Variants in ABCC5 observed in about 807,000 individuals in gnomAD.
ABCC5 encodes the protein ATP binding cassette subfamily C member 5.
ABCC5 carries 61 observed loss-of-function variants against 160.9 expected under a neutral mutation model. The ratio of observed to expected loss-of-function variants is 0.38; its 90% CI spans 0.31 to 0.47. The LOEUF is 0.47. Ranked by LOEUF, ABCC5 falls within the 20% of genes least tolerant of loss-of-function variation. The pLI, the probability that ABCC5 is intolerant of heterozygous loss-of-function variation, is 0.99. For missense variants in ABCC5, 1,308 were observed against 1,813.3 expected, an observed-to-expected ratio of 0.72 and a Z score of 5.06; for synonymous variants, 666 against 700.6, an observed-to-expected ratio of 0.95 and a Z score of 0.78.
At position 183,978,587 on chromosome 3, in the gene ABCC5, A is replaced by G; in HGVS notation, c.1212T>C (p.Gly404=). ...CAATCACCACCACAATGGGAGCCAC[A>G]CCCACAGTGATGCTCTGGAAGTACC... ...KAGYFQSITV[G]VAPIVVVIAS... Residue 404 remains glycine, a synonymous_variant, in exon 9 of 30, where the codon GGT becomes GGC. Transcript: ENST00000334444. The G allele has an allele frequency of 6.2e-7, 1 of 1,613,978 alleles. No homozygotes were observed. Among genetic ancestry groups the G allele is most frequent in the South Asian group, 1.1e-5 (1 of 91,062 alleles).
chr3:183,936,190 G>A (rs930821464), intron 26 of ABCC5, among the ~76,000 whole-genome samples: 6 of 152,082 alleles, frequency 3.9e-5, no homozygotes, highest in African/African-American at 7.2e-5. Context: ...CACACACCGA[G>A]GAAAGGCCAC....
In ABCC5 at chr3:183,923,164, G is replaced by GT. The variant is rs1268689715; in HGVS notation, c.4213-1764dup. ...TTTATGCTTTTCTGGTGTGTGTGTGGTTTTTTTTTTTTAGGCTTTCCTGAA... is the reference window on the plus strand; with the variant it reads ...TTTATGCTTTTCTGGTGTGTGTGTGGTTTTTTTTTTTTTAGGCTTTCCTGAA... On this transcript the variant is annotated intron_variant, in intron 29 of 29. Coordinates refer to ENST00000334444, the MANE Select transcript of ABCC5 (RefSeq NM_005688.4). Among the ~76,000 whole-genome samples the GT allele has an allele frequency of 6.2e-3, 888 of 143,232 alleles. 8 individuals are homozygous for GT. Among genetic ancestry groups the GT allele is most frequent in the African/African-American group, 0.017 (688 of 39,380 alleles). 94.0% of individuals were successfully genotyped at this position (143,232 alleles called of 152,430 possible).
chr3:183,927,368 G>A lies in ABCC5; in HGVS notation c.4009C>T (p.Leu1337Phe). The change falls in exon 28 of 30, where the codon CTC becomes TTC. Residue 1337 changes from leucine (L) to phenylalanine (F), a missense_variant. Leu to Phe is a conservative substitution (Grantham distance 22). Coordinates refer to ENST00000334444, the MANE Select transcript of ABCC5 (RefSeq NM_005688.4). ...AGCAGGGCTCTAGCTATGCACAAGA[G>A]CTGCCGTTCCCCCACTGAGAAGTTA... ...GDNFSVGERQLLCIARALLRH... is the reference protein window; with the variant it reads ...GDNFSVGERQFLCIARALLRH... 6.2e-7 allele frequency: 1 copy of A among 1,613,506 alleles called. No individual in the cohort carries two copies. The highest frequency in any genetic ancestry group is 8.5e-7 in the Non-Finnish European group (1 of 1,179,804).
At chr3:184,015,949 A>G (rs1378710777) in intron 1 of ABCC5, among the ~76,000 whole-genome samples, 1 of 152,210 alleles carries the variant, frequency 6.6e-6, no homozygotes, top group African/African-American at 2.4e-5. Flanking sequence ...AAAGATTAGT[A>G]CTACCTTTTT....
intron 1 of ABCC5, among the ~76,000 whole-genome samples, chr3:184,015,977 G>A (rs1021550384): frequency 3.9e-5 from 6 of 152,186 alleles, no homozygotes; most frequent in African/African-American, 7.2e-5. Flanking sequence ...GGGGGTTGGG[G>A]CGGTGAGCAG....
intron 2 of ABCC5, among the ~76,000 whole-genome samples, chr3:184,005,233 C>T (rs4148568): frequency 0.12 from 18,466 of 152,084 alleles, 1,173 homozygotes; most frequent in East Asian, 0.23. Context: ...CTGGGCAAGA[C>T]GGCCTTTGAG....
At chr3:184,014,491 G>T in intron 1 of ABCC5, 44 bp from the exon 2 acceptor site, 10 of 1,169,936 alleles carry the variant, frequency 8.5e-6, no homozygotes, top group East Asian at 3.3e-5. Flanking sequence ...TTCCTAAACA[G>T]TACTTAACCA....
At position 183,971,930 on chromosome 3, in the gene ABCC5, T is replaced by C; in HGVS notation, c.1405-11A>G. 6.2e-7 allele frequency: 1 copy of C among 1,613,270 alleles called. No individual in the cohort carries two copies. Among genetic ancestry groups the C allele is most frequent in the Non-Finnish European group, 8.5e-7 (1 of 1,179,978 alleles). On this transcript the variant is annotated splice_polypyrimidine_tract_variant and intron_variant, in intron 10 of 29. Transcript: ENST00000334444. Reference sequence around the variant, plus strand: ...CATTAGAAACAAACTCTGATAGGAGTTGTGAGAGAGGTGCAAAGATGAGAC... The same window carrying C: ...CATTAGAAACAAACTCTGATAGGAGCTGTGAGAGAGGTGCAAAGATGAGAC...
intron 2 of ABCC5, among the ~76,000 whole-genome samples, chr3:184,001,775 ATGCT>A (rs1358765295): frequency 6.6e-6 from 1 of 152,184 alleles, no homozygotes; most frequent in Non-Finnish European, 1.5e-5. Flanking sequence ...TTTTGTTATG[ATGCT>A]TTCAATCCCT....
At chr3:183,957,869 C>G (rs1716317285) in intron 17 of ABCC5, among the ~76,000 whole-genome samples, 1 of 119,520 alleles carries the variant, frequency 8.4e-6, no homozygotes, top group Non-Finnish European at 1.9e-5. Flanking sequence ...ACATCTGTTA[C>G]ATGCGGATCC....
chr3:184,010,798 CTTTT>C (rs55882083), intron 2 of ABCC5, among the ~76,000 whole-genome samples: 4 of 136,614 alleles, frequency 2.9e-5, no homozygotes, highest in Admixed American at 7.5e-5. Flanking sequence ...CATTCTTCTT[CTTTT>C]TTTTTTTTTT....
At chr3:183,979,513 G>A (rs1023298844) in intron 8 of ABCC5, among the ~76,000 whole-genome samples, 2 of 152,114 alleles carry the variant, frequency 1.3e-5, no homozygotes, top group Admixed American at 1.3e-4. Context: ...TTAAATATTT[G>A]CAAAATCAAC....
chr3:184,003,907 CAGGAA>C (rs890904916), intron 2 of ABCC5, among the ~76,000 whole-genome samples: 4 of 152,128 alleles, frequency 2.6e-5, no homozygotes, highest in African/African-American at 9.7e-5. Context: ...ACGGGATTTA[CAGGAA>C]ACACTTGGAG....
chr3:183,957,627 T>A (rs1164525742), intron 17 of ABCC5, among the ~76,000 whole-genome samples: 4 of 151,546 alleles, frequency 2.6e-5, no homozygotes, highest in Non-Finnish European at 5.9e-5. Context: ...CAGATCCATG[T>A]GTAAATCACA....
chr3:183,994,079 T>G (rs1720031308), intron 2 of ABCC5, among the ~76,000 whole-genome samples: 2 of 151,476 alleles, frequency 1.3e-5, no homozygotes, highest in Non-Finnish European at 2.9e-5. Flanking sequence ...TTCACTTGCC[T>G]CAGCCTCCCA....
rs768472920 is a variant in ABCC5 at position 183,971,893 on chromosome 3, G to A, written c.1431C>T (p.His477=). The change falls in exon 11 of 30, where the codon CAC becomes CAT. Residue 477 remains histidine, a synonymous_variant. Transcript: ENST00000334444. ...GACTGGCTGGTTTGTTCTTTATCATGTGAACCTCTTCCATTAGAAACAAAC... is the reference window on the plus strand; with the variant it reads ...GACTGGCTGGTTTGTTCTTTATCATATGAACCTCTTCCATTAGAAACAAAC... ...FKSLFLMEEV[H]MIKNKPASPH... is the part of the protein sequence containing the mutation. 12 of 1,614,116 alleles carry A rather than the reference G, an allele frequency of 7.4e-6. No homozygotes were observed. Among genetic ancestry groups the A allele is most frequent in the East Asian group, 4.5e-5 (2 of 44,876 alleles).
chr3:183,983,149 T>A, intron 5 of ABCC5, 142 bp from the exon 6 acceptor site: 1 of 706,458 alleles, frequency 1.4e-6, no homozygotes, highest in South Asian at 1.8e-5. Context: ...AAGACCCAAT[T>A]ATTACAAGCT....
chr3:183,969,988 T>A (rs1717586727), intron 11 of ABCC5, among the ~76,000 whole-genome samples: 1 of 152,256 alleles, frequency 6.6e-6, no homozygotes, highest in Non-Finnish European at 1.5e-5. Context: ...GACATCCTCA[T>A]CTTTCTCCCG....
chr3:183,954,306 G>A (rs938100342), intron 17 of ABCC5, among the ~76,000 whole-genome samples: 5 of 152,076 alleles, frequency 3.3e-5, no homozygotes, highest in Admixed American at 6.5e-5. Flanking sequence ...CCGCCACCAC[G>A]CCTGGCTAAT....
Sources: allele counts gnomAD v4.1 joint callset (sites outside exome capture counted in the v4.1 genomes callset), GRCh38; gene constraint gnomAD v4.1.1; transcripts MANE v1.5; gene names NCBI Gene and HGNC (gene_info 2026-07-23, HGNC 2026-07-21).